The following COL5A2 variants were observed in gnomAD, a reference collection of about 807,000 sequenced individuals.
COL5A2 encodes the protein collagen type V alpha 2 chain, also known as collagen alpha-2(V) chain.
A neutral mutation model predicts 208.2 loss-of-function variants in COL5A2; 23 were observed. That is an observed-to-expected ratio of 0.11 (90% CI 0.08 to 0.16). The LOEUF is 0.16. Ranked by LOEUF, COL5A2 falls within the 10% of genes least tolerant of loss-of-function variation. COL5A2 has a pLI of 1.00. For synonymous variants in COL5A2, 625 were observed against 628.5 expected, an observed-to-expected ratio of 0.99 and a Z score of 0.08; for missense variants, 1,590 against 1,956.4, an observed-to-expected ratio of 0.81 and a Z score of 3.53.
At chr2:189,260,236 G>A in the COL5A2 span, among the ~76,000 whole-genome samples, 3 of 152,148 alleles carry the variant, frequency 2.0e-5, no homozygotes, top group African/African-American at 4.8e-5. Context: ...GGGAATCACA[G>A]CTTCCCAGAA....
At chr2:189,165,852 T>C (rs980535904) in intron 1 of COL5A2, among the ~76,000 whole-genome samples, 1 of 152,178 alleles carries the variant, frequency 6.6e-6, no homozygotes, top group Non-Finnish European at 1.5e-5. Flanking sequence ...AAAAACTCAT[T>C]GCTGAGTCAG....
the COL5A2 span, among the ~76,000 whole-genome samples, chr2:189,317,479 G>A: frequency 6.6e-6 from 1 of 152,098 alleles, no homozygotes; most frequent in Admixed American, 6.6e-5. Flanking sequence ...GTTAGGTTCT[G>A]AGATTTGAAC....
the COL5A2 span, among the ~76,000 whole-genome samples, chr2:189,292,198 G>A: frequency 2.9e-4 from 44 of 152,262 alleles, no homozygotes; most frequent in African/African-American, 1.1e-3. Context: ...CACATATATT[G>A]TATGGAAGAC....
intron 17 of COL5A2, among the ~76,000 whole-genome samples, chr2:189,074,018 A>T (rs764603061): frequency 3.3e-5 from 5 of 152,156 alleles, no homozygotes; most frequent in Admixed American, 6.5e-5. Context: ...ACAAGGGAGA[A>T]CTATTGCAAG....
chr2:189,085,224 A>T lies in COL5A2; in HGVS notation c.745-11T>A. ...TGAACCAATCGGACCCTAATAACAG[A>T]ACAAAACAAAAGGAAAAAAAGAATA... On this transcript the variant is annotated splice_polypyrimidine_tract_variant and intron_variant, in intron 10 of 53. Transcript: ENST00000374866. 6.2e-7 allele frequency: 1 copy of T among 1,606,376 alleles called. No individual in the cohort carries two copies. The highest frequency in any genetic ancestry group is 8.5e-7 in the Non-Finnish European group (1 of 1,175,484).
chr2:189,193,466 G>C (rs1181256478), intron 1 of COL5A2, among the ~76,000 whole-genome samples: 1 of 152,120 alleles, frequency 6.6e-6, no homozygotes, highest in African/African-American at 2.4e-5. Context: ...AACTATAAAT[G>C]ATCTTTGTTG....
the COL5A2 span, among the ~76,000 whole-genome samples, chr2:189,280,561 G>T: frequency 6.6e-6 from 1 of 152,034 alleles, no homozygotes; most frequent in African/African-American, 2.4e-5. Flanking sequence ...AACAAAGCAG[G>T]AGACCTAGAG....
the COL5A2 span, among the ~76,000 whole-genome samples, chr2:189,416,071 G>A: frequency 6.6e-6 from 1 of 152,200 alleles, no homozygotes; most frequent in Non-Finnish European, 1.5e-5. Context: ...ACAGGTGCTG[G>A]AGAGGATGTG....
At chr2:189,089,369 T>C (rs1576519214) in intron 7 of COL5A2, among the ~76,000 whole-genome samples, 3 of 152,342 alleles carry the variant, frequency 2.0e-5, no homozygotes, top group African/African-American at 7.2e-5. Context: ...GTAATCAAAC[T>C]GACCAAAATT....
chr2:189,231,987 C>A, the COL5A2 span, among the ~76,000 whole-genome samples: 1 of 151,640 alleles, frequency 6.6e-6, no homozygotes, highest in Non-Finnish European at 1.5e-5. Context: ...GAAGAAAGGT[C>A]TCTGTCCTGC....
At chr2:189,170,741 C>G (rs1243584938) in intron 1 of COL5A2, among the ~76,000 whole-genome samples, 2 of 151,098 alleles carry the variant, frequency 1.3e-5, no homozygotes, top group Non-Finnish European at 2.9e-5. Context: ...TCTTGGCACT[C>G]TTAGGTAAAA....
At chr2:189,143,916 A>C (rs189065503) in intron 1 of COL5A2, among the ~76,000 whole-genome samples, 9 of 152,292 alleles carry the variant, frequency 5.9e-5, no homozygotes, top group Non-Finnish European at 1.2e-4. Flanking sequence ...GTCTTTAAAA[A>C]ATATATAGCT....
chr2:189,404,941 G>C, the COL5A2 span, among the ~76,000 whole-genome samples: 1 of 152,042 alleles, frequency 6.6e-6, no homozygotes, highest in African/African-American at 2.4e-5. Context: ...TACAAATATT[G>C]GTTCTGCCAT....
intron 1 of COL5A2, among the ~76,000 whole-genome samples, chr2:189,217,387 T>C (rs1689292311): frequency 6.6e-6 from 1 of 152,228 alleles, no homozygotes; most frequent in African/African-American, 2.4e-5. Context: ...CCACTCTGGC[T>C]TCCTTTTTGT....
chr2:189,096,696 T>C (rs1268578023), intron 6 of COL5A2, among the ~76,000 whole-genome samples: 1 of 151,958 alleles, frequency 6.6e-6, no homozygotes, highest in African/African-American at 2.4e-5. Context: ...TGCAGATAGG[T>C]AATAAAAGAA....
At position 189,068,081 on chromosome 2, in the gene COL5A2, T is replaced by C. The variant is rs1686191970; in HGVS notation, c.1335A>G (p.Ser445=). 1.2e-6 allele frequency: 2 copies of C among 1,613,944 alleles called. No homozygotes were observed. The highest frequency in any genetic ancestry group is 1.3e-5 in the African/African-American group (1 of 74,902). ...GSPGTSGPPG[S]AGPPGSPGPQ... is the part of the protein sequence containing the mutation. ...GTCCTGGAGATCCAGGAGGCCCTGCTGAGCCAGGAGGACCAGAGGTACCTG... is the reference window on the plus strand; with the variant it reads ...GTCCTGGAGATCCAGGAGGCCCTGCCGAGCCAGGAGGACCAGAGGTACCTG... Residue 445 remains serine, a synonymous_variant, in exon 21 of 54, where the codon TCA becomes TCG. Coordinates refer to ENST00000374866, the MANE Select transcript of COL5A2 (RefSeq NM_000393.5).
chr2:189,041,479 G>A lies in COL5A2; in HGVS notation c.3633+107C>T, dbSNP rs111645248. ...TTGTGTGACTTCTACGTTTGTTTTC[G>A]GGGTCCCTTAAGTCTCTTGTCAATC... is the stretch of plus-strand genomic sequence containing the variant. On this transcript the variant is annotated intron_variant, in intron 50 of 53. Coordinates refer to ENST00000374866, the MANE Select transcript of COL5A2 (RefSeq NM_000393.5). 3.8e-3 allele frequency: 3,264 copies of A among 863,152 alleles called. 67 individuals carry two copies. The African/African-American group carries it at 0.043, about 11-fold the overall frequency. 53.5% of individuals were successfully genotyped at this position (863,152 alleles called of 1,614,324 possible).
At chr2:189,066,137 C>G (rs1031103669) in intron 23 of COL5A2, among the ~76,000 whole-genome samples, 1 of 152,142 alleles carries the variant, frequency 6.6e-6, no homozygotes, top group Non-Finnish European at 1.5e-5. Flanking sequence ...AGGACCATAG[C>G]CTTCTTGTTC....
At chr2:189,339,758 AG>A in the COL5A2 span, among the ~76,000 whole-genome samples, 2 of 152,204 alleles carry the variant, frequency 1.3e-5, no homozygotes, top group Non-Finnish European at 2.9e-5. Context: ...CAATCACGAC[AG>A]GTGTGGGGTC....
Sources: gnomAD v4.1 joint callset for allele counts (sites outside exome capture counted in the v4.1 genomes callset) on GRCh38, gnomAD v4.1.1 for gene constraint, MANE v1.5 for transcripts, NCBI Gene and HGNC (gene_info 2026-07-23, HGNC 2026-07-21) for gene names.